RBM47: variants seen among roughly 807,000 people sequenced by gnomAD.
RBM47 encodes RNA-binding protein 47.
In RBM47, 21 loss-of-function variants were observed where a neutral mutation model predicts 47.1. That is an observed-to-expected ratio of 0.45 (90% CI 0.32 to 0.64). The LOEUF is 0.64. RBM47 is among the 30% of genes least tolerant of loss of function. RBM47 has a pLI of 0.05. For missense variants in RBM47, 708 were observed against 870.9 expected, an observed-to-expected ratio of 0.81 and a Z score of 2.35; for synonymous variants, 375 against 361.7, an observed-to-expected ratio of 1.04 and a Z score of -0.42.
At position 40,437,761 on chromosome 4, in the gene RBM47, C is replaced by T. The variant is rs773752604; in HGVS notation, c.1123+10G>A. The stretch of plus-strand genomic sequence containing the variant: ...TGGGGGCCCCACCCAGGAGAAGAGC[C>T]CCCACTAACCTTTCACAAAGTAGTC... On this transcript the variant is annotated intron_variant, in intron 4 of 6. Coordinates refer to ENST00000295971, the MANE Select transcript of RBM47 (RefSeq NM_001098634.2). 10 of 1,588,664 alleles carry T rather than the reference C, an allele frequency of 6.3e-6. No homozygotes were observed. In the Admixed American group the frequency reaches 1.0e-4, roughly 16 times the overall value.
intron 2 of RBM47, among the ~76,000 whole-genome samples, chr4:40,473,896 T>A (rs1048831355): frequency 3.3e-5 from 5 of 152,340 alleles, no homozygotes; most frequent in African/African-American, 9.6e-5. Context: ...AGTGGAAATA[T>A]AATTTTACAA....
chr4:40,518,158 CTTTTTTTTTTTTTTTTT>C (rs530465415), intron 2 of RBM47, among the ~76,000 whole-genome samples: 5 of 70,682 alleles, frequency 7.1e-5, no homozygotes, highest in Non-Finnish European at 1.3e-4. Flanking sequence ...CTTTTCTTTT[CTTTTTTTTTTTTTTTTT>C]TTTTTTTTTT....
At chr4:40,465,880 C>A (rs922250991) in intron 3 of RBM47, among the ~76,000 whole-genome samples, 6 of 152,042 alleles carry the variant, frequency 3.9e-5, no homozygotes, top group Non-Finnish European at 4.4e-5. Context: ...GAGGATTGAT[C>A]AAAAATACAA....
At chr4:40,551,766 A>G (rs1437806645) in intron 1 of RBM47, among the ~76,000 whole-genome samples, 1 of 150,570 alleles carries the variant, frequency 6.6e-6, no homozygotes, top group African/African-American at 2.4e-5. Context: ...CTCCTGCCTC[A>G]GCCTCCCAAG....
chr4:40,494,324 T>G (rs1722286104), intron 2 of RBM47, among the ~76,000 whole-genome samples: 1 of 152,226 alleles, frequency 6.6e-6, no homozygotes, highest in Admixed American at 6.5e-5. Context: ...AGACCTTTCC[T>G]GCACTTCTAT....
At chr4:40,486,069 CAAAAAAAA>C (rs201408070) in intron 2 of RBM47, among the ~76,000 whole-genome samples, 41 of 62,832 alleles carry the variant, frequency 6.5e-4, no homozygotes, top group African/African-American at 1.7e-3. Flanking sequence ...AACCCTGTTT[CAAAAAAAA>C]AAAAAAAAAA....
chr4:40,436,291 G>A (rs1577617596), intron 5 of RBM47, 150 bp downstream of exon 5: 3 of 679,986 alleles, frequency 4.4e-6, no homozygotes, highest in East Asian at 2.6e-5. Context: ...GGTCCAGGGG[G>A]TCACTTTATT....
At chr4:40,585,997 T>C (rs987980746) in intron 1 of RBM47, among the ~76,000 whole-genome samples, 1 of 152,240 alleles carries the variant, frequency 6.6e-6, no homozygotes, top group Non-Finnish European at 1.5e-5. Context: ...TCCTTCTCTA[T>C]AAAGTACATT....
chr4:40,547,809 T>C (rs1444969702), intron 1 of RBM47, among the ~76,000 whole-genome samples: 1 of 152,248 alleles, frequency 6.6e-6, no homozygotes, highest in East Asian at 1.9e-4. Flanking sequence ...CCCTTCAGGT[T>C]GCAATTCCTG....
intron 2 of RBM47, among the ~76,000 whole-genome samples, chr4:40,510,537 C>T (rs890465344): frequency 6.6e-6 from 1 of 151,996 alleles, no homozygotes; most frequent in Non-Finnish European, 1.5e-5. Context: ...ATTTTCAGAG[C>T]AAAATTAGAG....
chr4:40,552,091 G>T (rs777089601), intron 1 of RBM47, among the ~76,000 whole-genome samples: 6 of 151,960 alleles, frequency 3.9e-5, no homozygotes, highest in Non-Finnish European at 8.8e-5. Context: ...GAGGCCCTAA[G>T]ACTTTTTTAA....
At chr4:40,499,043 C>G (rs1012868754) in intron 2 of RBM47, among the ~76,000 whole-genome samples, 3 of 151,886 alleles carry the variant, frequency 2.0e-5, no homozygotes, top group Non-Finnish European at 2.9e-5. Context: ...GAAACTCCAA[C>G]TCAAAAATAA....
intron 2 of RBM47, among the ~76,000 whole-genome samples, chr4:40,535,371 C>CTTTTTTTTTTTTTTTTTTTCTTTTTT (rs1177127352): frequency 9.7e-6 from 1 of 103,460 alleles, no homozygotes; most frequent in African/African-American, 4.3e-5. Flanking sequence ...TATGGTATTT[C>CTTTTTTTTTTTTTTTTTTTCTTTTTT]TTTTTTTTTT....
chr4:40,591,742 A>C (rs1734156230), intron 1 of RBM47, among the ~76,000 whole-genome samples: 3 of 152,076 alleles, frequency 2.0e-5, no homozygotes, highest in African/African-American at 4.8e-5. Flanking sequence ...AGAATTTCAC[A>C]GTTACCCTAA....
intron 3 of RBM47, among the ~76,000 whole-genome samples, chr4:40,439,961 G>A (rs12501305): frequency 0.41 from 61,873 of 152,068 alleles, 15,080 homozygotes; most frequent in South Asian, 0.63. Flanking sequence ...TAGTGTGACT[G>A]AGGAGCTGGA....
intron 1 of RBM47, among the ~76,000 whole-genome samples, chr4:40,552,558 T>C (rs576101000): frequency 6.6e-6 from 1 of 152,302 alleles, no homozygotes; most frequent in African/African-American, 2.4e-5. Flanking sequence ...TTTCTGTATA[T>C]GGCTGCCGAA....
intron 2 of RBM47, among the ~76,000 whole-genome samples, chr4:40,540,112 T>C (rs1465137826): frequency 6.6e-6 from 1 of 152,134 alleles, no homozygotes; most frequent in Admixed American, 6.6e-5. Flanking sequence ...TCCTCTAATC[T>C]TTCCTACAGA....
chr4:40,512,932 T>C lies in RBM47; in HGVS notation c.-155+31490A>G, dbSNP rs1295422795. Among the ~76,000 whole-genome samples the C allele has an allele frequency of 2.6e-5, 4 of 152,262 alleles. 1 individual carries two copies. The highest frequency in any genetic ancestry group is 6.8e-3 in the Middle Eastern group (2 of 294). On this transcript the variant is annotated intron_variant, in intron 2 of 6. Transcript: ENST00000295971. ...AAGTATCAAAATCTTAAAAGAGACATAGGAAAACATTAATCCACTTGTCAA... is the reference window on the plus strand; with the variant it reads ...AAGTATCAAAATCTTAAAAGAGACACAGGAAAACATTAATCCACTTGTCAA...
At chr4:40,470,681 C>G (rs1465973320) in intron 2 of RBM47, among the ~76,000 whole-genome samples, 1 of 152,188 alleles carries the variant, frequency 6.6e-6, no homozygotes, top group East Asian at 1.9e-4. Context: ...CTAAAAATAA[C>G]TTTCTCACCA....
Sources: allele counts gnomAD v4.1 joint callset (sites outside exome capture counted in the v4.1 genomes callset), GRCh38; gene constraint gnomAD v4.1.1; transcripts MANE v1.5; gene names NCBI Gene and HGNC (gene_info 2026-07-23, HGNC 2026-07-21).